The following PLEKHA5 variants were observed in gnomAD, a reference collection of about 807,000 sequenced individuals.
The protein encoded by PLEKHA5 is pleckstrin homology domain containing A5.
Under a neutral mutation model 181.9 loss-of-function variants are expected in PLEKHA5, and 55 were observed. The ratio of observed to expected loss-of-function variants is 0.30; its 90% confidence interval spans 0.24 to 0.38. PLEKHA5 has a LOEUF of 0.38. Ranked by LOEUF, PLEKHA5 falls within the 10% of genes least tolerant of loss-of-function variation. The pLI, the probability that PLEKHA5 is intolerant of heterozygous loss-of-function variation, is 1.00. For missense variants in PLEKHA5, 1,432 were observed against 1,549.5 expected (o/e 0.92, Z 1.27); for synonymous variants, 535 against 529.4 (o/e 1.01, Z -0.15).
chr12:19,313,145 C>T (rs2087189781), intron 15 of PLEKHA5, among the ~76,000 whole-genome samples: 1 of 151,996 alleles, frequency 6.6e-6, no homozygotes, highest in South Asian at 2.1e-4. Context: ...AAGGATGAGC[C>T]AGGAGGATTG....
intron 3 of PLEKHA5, among the ~76,000 whole-genome samples, chr12:19,175,820 T>C (rs1169451542): frequency 6.6e-6 from 1 of 152,230 alleles, no homozygotes; most frequent in Non-Finnish European, 1.5e-5. Flanking sequence ...TTGATTTCTT[T>C]ATAATTTAAA....
chr12:19,335,582 A>ATTTTT (rs34158055), intron 20 of PLEKHA5, among the ~76,000 whole-genome samples: 3 of 107,998 alleles, frequency 2.8e-5, no homozygotes, highest in Non-Finnish European at 1.9e-5. Context: ...CGCCTGGCTA[A>ATTTTT]TTTTTTTTTT....
At chr12:19,138,443 G>A (rs2151074840) in intron 3 of PLEKHA5, among the ~76,000 whole-genome samples, 1 of 151,794 alleles carries the variant, frequency 6.6e-6, no homozygotes, top group Admixed American at 6.6e-5. Flanking sequence ...TGTGGTGGCG[G>A]GCTCCTGTAG....
intron 3 of PLEKHA5, among the ~76,000 whole-genome samples, chr12:19,244,661 T>G (rs1434832113): frequency 6.6e-6 from 1 of 152,242 alleles, no homozygotes; most frequent in Admixed American, 6.5e-5. Flanking sequence ...GAGCAAATCA[T>G]ATAAATGGGT....
Position 19,336,596 on chromosome 12 carries a change from G to A in PLEKHA5, c.2530G>A (p.Asp844Asn), listed in dbSNP as rs758716253. 2 of 1,592,522 alleles carry A rather than the reference G, an allele frequency of 1.3e-6. No homozygotes were observed. Among genetic ancestry groups the A allele is most frequent in the Non-Finnish European group, 1.7e-6 (2 of 1,161,338 alleles). The stretch of plus-strand genomic sequence containing the variant: ...CAGGAACCAGATGCAAGAGCAGCTG[G>A]ATCACCTTGGTGAAGTTCAGGTACA... ...VTRNQMQEQL[D>N]HLGEVQTESA... The change falls in exon 21 of 32, where the codon GAT (aspartate) becomes AAT (asparagine). Residue 844 changes from aspartate to asparagine, a missense_variant. Physicochemically the swap from Asp to Asn is conservative, Grantham distance 23 (BLOSUM62 1). Around this residue, in one of 2 missense-constraint regions of PLEKHA5, gnomAD observed 1,143 missense variants for 1,168.4 expected, o/e 0.98. Transcript: ENST00000429027.
intron 3 of PLEKHA5, among the ~76,000 whole-genome samples, chr12:19,219,682 C>T (rs971903943): frequency 6.6e-6 from 1 of 151,834 alleles, no homozygotes; most frequent in Admixed American, 6.6e-5. Context: ...TGCTTTTAAT[C>T]TTAGGCTTTA....
intron 25 of PLEKHA5, among the ~76,000 whole-genome samples, chr12:19,349,554 C>G (rs529116178): frequency 6.6e-6 from 1 of 152,056 alleles, no homozygotes; most frequent in East Asian, 1.9e-4. Context: ...TAATGCTGGT[C>G]ATTTTTCTAG....
At chr12:19,374,426 G>A (rs1024323137) in intron 31 of PLEKHA5, among the ~76,000 whole-genome samples, 1 of 152,090 alleles carries the variant, frequency 6.6e-6, no homozygotes, top group Admixed American at 6.6e-5. Context: ...TTGTGAGGCC[G>A]AGGCGGGCGG....
Position 19,231,606 on chromosome 12 carries a change from A to ATGTATATATATT in PLEKHA5, c.228-22333_228-22332insGTATATATATTT, listed in dbSNP as rs1268323740. ...TATATTTATATATGTACACATATAT[A>ATGTATATATATT]TATATAAATACTCATAAAGCTTGAG... On this transcript the variant is annotated intron_variant, in intron 3 of 31. Transcript: ENST00000429027. 2.9e-4 allele frequency among the ~76,000 whole-genome samples: 42 copies of ATGTATATATATT among 145,290 alleles called. 2 individuals carry two copies. Among genetic ancestry groups the ATGTATATATATT allele is most frequent in the Non-Finnish European group, 5.1e-4 (34 of 66,442 alleles).
intron 29 of PLEKHA5, 23 bp downstream of exon 29, chr12:19,361,729 G>C (rs1318216653): frequency 1.3e-6 from 2 of 1,580,786 alleles, no homozygotes; most frequent in East Asian, 2.2e-5. Flanking sequence ...AAAAGCAAAG[G>C]AATCATTCAC....
chr12:19,294,780 C>T (rs2079329322), intron 15 of PLEKHA5, among the ~76,000 whole-genome samples: 1 of 152,092 alleles, frequency 6.6e-6, no homozygotes, highest in African/African-American at 2.4e-5. Flanking sequence ...AATAAAATAG[C>T]CTTATCTGAA....
At chr12:19,141,284 T>TA (rs2037211319) in intron 3 of PLEKHA5, among the ~76,000 whole-genome samples, 1 of 152,112 alleles carries the variant, frequency 6.6e-6, no homozygotes, top group African/African-American at 2.4e-5. Context: ...AGTTGCAAAT[T>TA]AAAAAAATCT....
At chr12:19,181,238 A>C (rs2048491047) in intron 3 of PLEKHA5, among the ~76,000 whole-genome samples, 1 of 152,196 alleles carries the variant, frequency 6.6e-6, no homozygotes, top group Admixed American at 6.5e-5. Flanking sequence ...TTGTAAAGGA[A>C]CTTAAATTTA....
chr12:19,190,119 T>C (rs1329387875), intron 3 of PLEKHA5, among the ~76,000 whole-genome samples: 1 of 152,204 alleles, frequency 6.6e-6, no homozygotes, highest in Non-Finnish European at 1.5e-5. Context: ...TAGTGTCAGC[T>C]TCACTTCACC....
intron 20 of PLEKHA5, among the ~76,000 whole-genome samples, chr12:19,331,605 C>T (rs1420759205): frequency 1.3e-5 from 2 of 152,192 alleles, no homozygotes; most frequent in Non-Finnish European, 2.9e-5. Context: ...TCTGGAATTT[C>T]ATTACATTCC....
At chr12:19,326,194 T>G (rs2092052301) in intron 20 of PLEKHA5, among the ~76,000 whole-genome samples, 1 of 152,164 alleles carries the variant, frequency 6.6e-6, no homozygotes, top group Non-Finnish European at 1.5e-5. Context: ...CTAAGACAAG[T>G]CTTATTGCAT....
intron 3 of PLEKHA5, among the ~76,000 whole-genome samples, chr12:19,252,708 C>T (rs952160830): frequency 6.6e-6 from 1 of 151,944 alleles, no homozygotes; most frequent in Non-Finnish European, 1.5e-5. Flanking sequence ...ATTTTTGCTT[C>T]TCCTTCAGAT....
At chr12:19,294,148 T>C (rs2152864470) in intron 15 of PLEKHA5, among the ~76,000 whole-genome samples, 1 of 152,286 alleles carries the variant, frequency 6.6e-6, no homozygotes, top group East Asian at 1.9e-4. Flanking sequence ...AGACAGCATA[T>C]GAAAACATGG....
At chr12:19,297,761 T>TC (rs1420641049) in intron 15 of PLEKHA5, among the ~76,000 whole-genome samples, 2 of 151,618 alleles carry the variant, frequency 1.3e-5, no homozygotes, top group Non-Finnish European at 2.9e-5. Context: ...TTATTTTTTT[T>TC]TTTTTTTTGA....
Sources: allele counts gnomAD v4.1 joint callset (sites outside exome capture counted in the v4.1 genomes callset), GRCh38; gene constraint gnomAD v4.1.1; regional missense constraint gnomAD v4.1.1; transcripts MANE v1.5; gene names NCBI Gene and HGNC (gene_info 2026-07-23, HGNC 2026-07-21).